SUGCT: variants seen among roughly 807,000 people sequenced by gnomAD.
The protein encoded by SUGCT is succinyl-CoA:glutarate CoA-transferase.
SUGCT carries 41 observed loss-of-function variants against 55.0 expected under a neutral mutation model. The ratio of observed to expected loss-of-function variants is 0.74; its 90% CI spans 0.58 to 0.97. The LOEUF is 0.97. Among genes scored for constraint, SUGCT ranks in the 50% least tolerant of loss-of-function variants. The pLI is 0.00. For synonymous variants in SUGCT, 187 were observed against 200.4 expected (o/e 0.93, Z 0.56); for missense variants, 568 against 547.8 (o/e 1.04, Z -0.37).
chr7:40,148,486 A>T (rs889447082), intron 1 of SUGCT, among the ~76,000 whole-genome samples: 2 of 152,054 alleles, frequency 1.3e-5, no homozygotes, highest in African/African-American at 4.8e-5. Context: ...CTCTACTAAA[A>T]ATACAAAAAT....
the SUGCT span, among the ~76,000 whole-genome samples, chr7:40,973,257 T>C: frequency 1.3e-5 from 2 of 152,206 alleles, no homozygotes; most frequent in African/African-American, 4.8e-5. Flanking sequence ...TGTGTGCTGA[T>C]AGGTGAATTT....
At chr7:40,364,458 G>T (rs1168728079) in intron 9 of SUGCT, among the ~76,000 whole-genome samples, 1 of 152,256 alleles carries the variant, frequency 6.6e-6, no homozygotes, top group Non-Finnish European at 1.5e-5. Flanking sequence ...GGTACCGGTT[G>T]TTCCTTTCCA....
intron 12 of SUGCT, among the ~76,000 whole-genome samples, chr7:40,744,308 C>A (rs948174362): frequency 6.6e-6 from 1 of 152,238 alleles, no homozygotes; most frequent in South Asian, 2.1e-4. Context: ...TCAAATACTT[C>A]CAATTTTCAC....
chr7:40,535,576 C>T (rs1794317811), intron 12 of SUGCT, among the ~76,000 whole-genome samples: 1 of 152,200 alleles, frequency 6.6e-6, no homozygotes, highest in Non-Finnish European at 1.5e-5. Context: ...CTTACATGTT[C>T]ATTGCAGGGC....
intron 12 of SUGCT, among the ~76,000 whole-genome samples, chr7:40,735,396 T>C (rs1787102945): frequency 1.3e-5 from 2 of 152,226 alleles, no homozygotes; most frequent in South Asian, 4.1e-4. Flanking sequence ...AGACTTCAAA[T>C]GTAGCTTAAA....
chr7:40,995,794 G>A, the SUGCT span, among the ~76,000 whole-genome samples: 1 of 152,150 alleles, frequency 6.6e-6, no homozygotes, highest in Non-Finnish European at 1.5e-5. Flanking sequence ...AGGGCTGGCA[G>A]TTGCACCTCA....
At chr7:40,237,072 A>G (rs1366283067) in intron 6 of SUGCT, among the ~76,000 whole-genome samples, 2 of 151,636 alleles carry the variant, frequency 1.3e-5, no homozygotes, top group East Asian at 4.0e-4. Context: ...ACCTCAAGTG[A>G]TCCGCCCACC....
rs190257661 is a variant in SUGCT at position 40,286,813 on chromosome 7, A to G, written c.720+12157A>G. Among the ~76,000 whole-genome samples the G allele has an allele frequency of 5.7e-3, 460 of 81,330 alleles. 2 individuals are homozygous for G. Among genetic ancestry groups the G allele is most frequent in the Middle Eastern group, 0.025 (5 of 200 alleles). The allele number at this position is 81,330 out of a possible 152,430, so 53.4% of individuals were successfully genotyped here. On this transcript the variant is annotated intron_variant, in intron 8 of 13. Transcript: ENST00000335693. ...GGTCCATTCAAAGTAAGGAATCAGT[A>G]ACAGGCTGTTTTTTGTTTGTTTGTT...
At chr7:40,859,811 A>C (rs970014587) in intron 13 of SUGCT, among the ~76,000 whole-genome samples, 1 of 152,198 alleles carries the variant, frequency 6.6e-6, no homozygotes, top group Admixed American at 6.5e-5. Flanking sequence ...TCTACCACCA[A>C]AAGCCTTGAA....
At chr7:40,541,782 A>G (rs960169969) in intron 12 of SUGCT, among the ~76,000 whole-genome samples, 6 of 152,240 alleles carry the variant, frequency 3.9e-5, no homozygotes, top group Non-Finnish European at 8.8e-5. Context: ...AATAATTATA[A>G]TGTTCCATTA....
chr7:40,140,726 G>A (rs1787938971), intron 1 of SUGCT, among the ~76,000 whole-genome samples: 1 of 152,114 alleles, frequency 6.6e-6, no homozygotes, highest in Non-Finnish European at 1.5e-5. Context: ...TAGACACTAT[G>A]AGTATTATGC....
chr7:40,262,186 G>T (rs1791262203), intron 7 of SUGCT, among the ~76,000 whole-genome samples: 1 of 152,084 alleles, frequency 6.6e-6, no homozygotes, highest in Non-Finnish European at 1.5e-5. Flanking sequence ...CCAATGAATT[G>T]ATTCTTTCAA....
At chr7:40,590,709 G>C (rs1031335747) in intron 12 of SUGCT, among the ~76,000 whole-genome samples, 1 of 152,050 alleles carries the variant, frequency 6.6e-6, no homozygotes, top group Non-Finnish European at 1.5e-5. Flanking sequence ...CTCCTTTGTC[G>C]GGGCTAATGT....
chr7:40,535,327 T>C (rs1288451190), intron 12 of SUGCT, among the ~76,000 whole-genome samples: 1 of 152,154 alleles, frequency 6.6e-6, no homozygotes, highest in Non-Finnish European at 1.5e-5. Context: ...CTACCCCCGG[T>C]AGTCCCCAGT....
At chr7:40,520,711 T>A (rs2151573819) in intron 12 of SUGCT, among the ~76,000 whole-genome samples, 1 of 152,212 alleles carries the variant, frequency 6.6e-6, no homozygotes, top group Non-Finnish European at 1.5e-5. Context: ...TCTGTTATAC[T>A]TCTGGTTCAT....
intron 9 of SUGCT, among the ~76,000 whole-genome samples, chr7:40,374,342 C>T (rs968103245): frequency 6.6e-6 from 1 of 152,150 alleles, no homozygotes; most frequent in African/African-American, 2.4e-5. Flanking sequence ...CCTCATTTTA[C>T]AGATGAGGAA....
At chr7:40,302,060 A>G (rs1380076741) in intron 8 of SUGCT, among the ~76,000 whole-genome samples, 1 of 151,854 alleles carries the variant, frequency 6.6e-6, no homozygotes, top group Non-Finnish European at 1.5e-5. Context: ...CTGTTGTTCT[A>G]TTTCTTTCCT....
chr7:40,265,079 A>G (rs1166591176), intron 7 of SUGCT, among the ~76,000 whole-genome samples: 1 of 152,256 alleles, frequency 6.6e-6, no homozygotes, highest in Non-Finnish European at 1.5e-5. Context: ...AGTAAATGCT[A>G]GAAAAATTTA....
chr7:40,615,215 C>T (rs1342088393), intron 12 of SUGCT, among the ~76,000 whole-genome samples: 1 of 152,104 alleles, frequency 6.6e-6, no homozygotes, highest in Non-Finnish European at 1.5e-5. Flanking sequence ...TGAAAGATCA[C>T]CCAGGGAACT....
Sources: gnomAD v4.1 joint callset for allele counts (sites outside exome capture counted in the v4.1 genomes callset) on GRCh38, gnomAD v4.1.1 for gene constraint, MANE v1.5 for transcripts, NCBI Gene and HGNC (gene_info 2026-07-23, HGNC 2026-07-21) for gene names.